Variants in DIP2B observed in about 807,000 individuals in gnomAD.
The protein encoded by DIP2B is DIP2 acetate--CoA ligase B (putative), also known as disco-interacting protein 2 homolog B.
Under a neutral mutation model 198.0 loss-of-function variants are expected in DIP2B, and 76 were observed. The ratio of observed to expected loss-of-function variants is 0.38; its 90% CI spans 0.32 to 0.46. The LOEUF (loss-of-function observed/expected upper bound fraction) is 0.46, where lower values mean the gene tolerates loss of function less well. Ranked by LOEUF, DIP2B falls within the 20% of genes least tolerant of loss-of-function variation. DIP2B has a pLI of 0.99. For synonymous variants in DIP2B, 701 were observed against 739.1 expected (o/e 0.95, Z 0.84); for missense variants, 1,559 against 1,978.4 (o/e 0.79, Z 4.02).
At chr12:50,701,470 C>T (rs1173018015) in intron 19 of DIP2B, among the ~76,000 whole-genome samples, 1 of 152,202 alleles carries the variant, frequency 6.6e-6, no homozygotes, top group African/African-American at 2.4e-5. Context: ...CAACCTCTGC[C>T]TCCCGGGTTC....
intron 36 of DIP2B, among the ~76,000 whole-genome samples, chr12:50,740,388 A>G (rs1940220721): frequency 6.6e-6 from 1 of 152,202 alleles, no homozygotes; most frequent in Non-Finnish European, 1.5e-5. Context: ...GACCTTGAGC[A>G]ATCACTTAGC....
intron 1 of DIP2B, among the ~76,000 whole-genome samples, chr12:50,522,945 A>G (rs1462301804): frequency 6.6e-6 from 1 of 152,190 alleles, no homozygotes; most frequent in Non-Finnish European, 1.5e-5. Flanking sequence ...GAGGAGAAAA[A>G]TATTTTATTT....
chr12:50,727,184 TTAATA>T (rs1352954636), intron 28 of DIP2B, among the ~76,000 whole-genome samples: 7 of 152,224 alleles, frequency 4.6e-5, no homozygotes, highest in Admixed American at 4.6e-4. Context: ...CCATACATGA[TTAATA>T]TAACACATAC....
chr12:50,738,955 C>T (rs1940186531), intron 35 of DIP2B, among the ~76,000 whole-genome samples: 2 of 152,154 alleles, frequency 1.3e-5, no homozygotes, highest in South Asian at 4.1e-4. Context: ...ATTATAAACT[C>T]AAAACACCCC....
intron 30 of DIP2B, among the ~76,000 whole-genome samples, chr12:50,730,383 T>TC (rs1242765636): frequency 2.2e-3 from 95 of 42,870 alleles, no homozygotes; most frequent in Admixed American, 4.6e-3. Context: ...TCTCTCTCTC[T>TC]TTTTTTTTTT....
intron 1 of DIP2B, among the ~76,000 whole-genome samples, chr12:50,519,087 G>A (rs1161056862): frequency 3.9e-5 from 6 of 152,038 alleles, no homozygotes. Flanking sequence ...GCTCCCTGGA[G>A]GGAGAAGAAT....
chr12:50,581,667 T>C (rs1173973607), intron 1 of DIP2B, among the ~76,000 whole-genome samples: 1 of 151,032 alleles, frequency 6.6e-6, no homozygotes, highest in Non-Finnish European at 1.5e-5. Context: ...AAACACTACT[T>C]GTGGTGTACG....
At chr12:50,511,674 G>T (rs1235345946) in intron 1 of DIP2B, among the ~76,000 whole-genome samples, 2 of 151,592 alleles carry the variant, frequency 1.3e-5, no homozygotes, top group East Asian at 3.9e-4. Context: ...ATGAGGCCAG[G>T]CGCAGTGGCT....
chr12:50,627,721 A>G (rs1034107657), intron 2 of DIP2B, among the ~76,000 whole-genome samples: 2 of 152,246 alleles, frequency 1.3e-5, no homozygotes, highest in Admixed American at 6.5e-5. Flanking sequence ...CATGCATTTG[A>G]TGAATCAGTT....
In DIP2B at chr12:50,645,786, G is replaced by A. The variant is rs528750399; in HGVS notation, c.301+4934G>A. 9.2e-5 allele frequency among the ~76,000 whole-genome samples: 14 copies of A among 151,978 alleles called. No individual in the cohort carries two copies. In the South Asian group the frequency reaches 2.1e-3, roughly 23 times the overall value. ...AAAATATACTTTTTAAATAATAAAG[G>A]CAAGACAGTATGTAGCATATAATCT... On this transcript the variant is annotated intron_variant, in intron 3 of 37. Coordinates refer to ENST00000301180, the MANE Select transcript of DIP2B (RefSeq NM_173602.3).
chr12:50,584,539 A>G (rs1032455233), intron 1 of DIP2B, among the ~76,000 whole-genome samples: 3 of 152,270 alleles, frequency 2.0e-5, no homozygotes, highest in East Asian at 1.9e-4. Flanking sequence ...AGAGTGTTCT[A>G]TTAAAAATGT....
In DIP2B at chr12:50,675,313, AT is replaced by A; in HGVS notation, c.797-10del. On this transcript the variant is annotated splice_polypyrimidine_tract_variant and intron_variant, in intron 6 of 37. Transcript: ENST00000301180. ...ACAGTCAATGAATTTTAACTTAACC[AT>A]TTTTTCCCTTATAGGTGTTCCTGTC... 1.9e-6 allele frequency: 3 copies of A among 1,607,978 alleles called. No individual in the cohort carries two copies. The highest frequency in any genetic ancestry group is 1.7e-5 in the Admixed American group (1 of 59,476).
chr12:50,677,607 T>C (rs1415328037), intron 7 of DIP2B, among the ~76,000 whole-genome samples: 1 of 152,168 alleles, frequency 6.6e-6, no homozygotes, highest in African/African-American at 2.4e-5. Flanking sequence ...AGAGCAAGAC[T>C]CTGTCGTGGG....
intron 1 of DIP2B, among the ~76,000 whole-genome samples, chr12:50,600,946 C>T (rs1040337037): frequency 6.7e-6 from 1 of 148,728 alleles, no homozygotes; most frequent in Admixed American, 6.7e-5. Context: ...CCACTACCAC[C>T]ACCACCACCA....
At chr12:50,525,820 T>C (rs1958159538) in intron 1 of DIP2B, among the ~76,000 whole-genome samples, 1 of 152,128 alleles carries the variant, frequency 6.6e-6, no homozygotes, top group Admixed American at 6.6e-5. Flanking sequence ...GCCACCTCTA[T>C]GTCTTGTTCC....
At position 50,513,851 on chromosome 12, in the gene DIP2B, G is replaced by T. The variant is rs1439929928; in HGVS notation, c.100+8611G>T. The stretch of plus-strand genomic sequence containing the variant: ...ATCATGCCACTGCACTCCAGCCTGG[G>T]AGATAGAGTGGGACTCCGTCTCAAA... On this transcript the variant is annotated intron_variant, in intron 1 of 37. Coordinates refer to ENST00000301180, the MANE Select transcript of DIP2B (RefSeq NM_173602.3). Among the ~76,000 whole-genome samples the T allele has an allele frequency of 9.6e-5, 14 of 145,408 alleles. No homozygotes were observed. The South Asian group carries it at 3.2e-3, about 33-fold the overall frequency.
intron 1 of DIP2B, among the ~76,000 whole-genome samples, chr12:50,559,724 C>CAA: frequency 6.6e-6 from 1 of 151,744 alleles, no homozygotes; most frequent in South Asian, 2.1e-4. Flanking sequence ...CACACACACA[C>CAA]ACACACACAC....
chr12:50,651,989 G>T (rs1938461463), intron 3 of DIP2B, among the ~76,000 whole-genome samples: 1 of 152,040 alleles, frequency 6.6e-6, no homozygotes, highest in Admixed American at 6.6e-5. Context: ...AGACCAGCCT[G>T]ACCAACATGG....
At chr12:50,647,998 C>T (rs1471054659) in intron 3 of DIP2B, among the ~76,000 whole-genome samples, 15 of 152,158 alleles carry the variant, frequency 9.9e-5, no homozygotes, top group East Asian at 1.9e-4. Flanking sequence ...ACCAGCTATG[C>T]GAGAGACTGA....
Sources: allele counts gnomAD v4.1 joint callset (sites outside exome capture counted in the v4.1 genomes callset), GRCh38; gene constraint gnomAD v4.1.1; transcripts MANE v1.5; gene names NCBI Gene and HGNC (gene_info 2026-07-23, HGNC 2026-07-21).